The following NKAIN3 variants were observed in gnomAD, a reference collection of about 807,000 sequenced individuals.
NKAIN3 encodes the protein sodium/potassium-transporting ATPase subunit beta-1-interacting protein 3.
NKAIN3 carries 25 observed loss-of-function variants against 30.2 expected under a neutral mutation model. The observed-to-expected ratio is 0.83, with a 90% CI of 0.60 to 1.16. The LOEUF (loss-of-function observed/expected upper bound fraction) is 1.16. NKAIN3 is among the 50% of genes most tolerant of loss of function. NKAIN3 has a pLI of 0.00. For missense variants in NKAIN3, 225 were observed against 254.1 expected (o/e 0.89, Z 0.78); for synonymous variants, 91 against 89.6 (o/e 1.02, Z -0.09).
At chr8:62,301,867 T>G (rs973946052) in intron 1 of NKAIN3, among the ~76,000 whole-genome samples, 1 of 152,012 alleles carries the variant, frequency 6.6e-6, no homozygotes, top group Non-Finnish European at 1.5e-5. Context: ...CTAACCAAAG[T>G]TGAAAAAAGC....
At chr8:62,618,507 CGTGGTG>C (rs1297255538) in intron 3 of NKAIN3, among the ~76,000 whole-genome samples, 1 of 151,614 alleles carries the variant, frequency 6.6e-6, no homozygotes, top group Non-Finnish European at 1.5e-5. Flanking sequence ...TTCGCTCGCT[CGTGGTG>C]GACAATTAGT....
At chr8:62,917,894 TTC>T (rs1822157065) in intron 4 of NKAIN3, among the ~76,000 whole-genome samples, 1 of 152,206 alleles carries the variant, frequency 6.6e-6, no homozygotes. Context: ...AAATCATCTC[TTC>T]TGTTTTATTT....
intron 4 of NKAIN3, among the ~76,000 whole-genome samples, chr8:62,818,370 T>C (rs1818750353): frequency 1.3e-5 from 2 of 152,302 alleles, no homozygotes; most frequent in South Asian, 4.1e-4. Context: ...ATTGCTTTTA[T>C]CATTTTTCAT....
intron 3 of NKAIN3, among the ~76,000 whole-genome samples, chr8:62,686,951 G>A (rs1813817779): frequency 6.6e-6 from 1 of 152,170 alleles, no homozygotes; most frequent in South Asian, 2.1e-4. Flanking sequence ...ATTTAGAATA[G>A]GAAGGTAACA....
At chr8:62,420,786 A>G (rs2129596736) in intron 1 of NKAIN3, among the ~76,000 whole-genome samples, 1 of 152,318 alleles carries the variant, frequency 6.6e-6, no homozygotes, top group East Asian at 1.9e-4. Context: ...TCATTTTCAG[A>G]TAAATTTACA....
chr8:62,770,975 A>T (rs1816989698), intron 4 of NKAIN3, among the ~76,000 whole-genome samples: 1 of 152,166 alleles, frequency 6.6e-6, no homozygotes, highest in Non-Finnish European at 1.5e-5. Flanking sequence ...ACAACAAAAA[A>T]TGAGACATGC....
chr8:62,682,703 C>T (rs979972788), intron 3 of NKAIN3, among the ~76,000 whole-genome samples: 2 of 152,052 alleles, frequency 1.3e-5, no homozygotes, highest in African/African-American at 4.8e-5. Flanking sequence ...ATGCCTGTAA[C>T]TGCCAGCTTT....
chr8:62,477,318 A>C (rs1390736951), intron 1 of NKAIN3, among the ~76,000 whole-genome samples: 2 of 150,716 alleles, frequency 1.3e-5, no homozygotes, highest in Non-Finnish European at 3.0e-5. Context: ...AGACAGTGAC[A>C]ACAGTACATC....
intron 1 of NKAIN3, among the ~76,000 whole-genome samples, chr8:62,542,852 C>T (rs1287718320): frequency 6.6e-6 from 1 of 152,136 alleles, no homozygotes; most frequent in Non-Finnish European, 1.5e-5. Context: ...TTCCCACATG[C>T]ATATATATCT....
intron 1 of NKAIN3, among the ~76,000 whole-genome samples, chr8:62,576,987 A>G (rs1810128949): frequency 6.6e-6 from 1 of 152,164 alleles, no homozygotes; most frequent in Admixed American, 6.6e-5. Context: ...TGGCTAAATA[A>G]CTAAAATGGA....
intron 3 of NKAIN3, among the ~76,000 whole-genome samples, chr8:62,735,446 C>T (rs1815630394): frequency 6.7e-6 from 1 of 150,284 alleles, no homozygotes. Flanking sequence ...TGAGACTCTC[C>T]AGTGCATTTT....
rs1219021066 is a variant in NKAIN3 at position 62,345,356 on chromosome 8, CATATATGT to C, written c.54+96236_54+96243del. Among the ~76,000 whole-genome samples the C allele has an allele frequency of 2.2e-3, 21 of 9,766 alleles. 1 individual carries two copies. Among genetic ancestry groups the C allele is most frequent in the Middle Eastern group, 0.071 (1 of 14 alleles). The allele number at this position is 9,766 out of a possible 152,430, so 6.4% of individuals were successfully genotyped here. On this transcript the variant is annotated intron_variant, in intron 1 of 6. Coordinates refer to ENST00000623646, the MANE Select transcript of NKAIN3 (RefSeq NM_001304533.3). ...ATATGTATATATACACACATATACA[CATATATGT>C]ATATATACACATATATGTATATATA...
intron 1 of NKAIN3, among the ~76,000 whole-genome samples, chr8:62,342,413 G>T (rs1207707385): frequency 6.6e-6 from 1 of 151,996 alleles, no homozygotes; most frequent in Non-Finnish European, 1.5e-5. Flanking sequence ...ACAGGCTTGG[G>T]TATCCTTTTG....
At chr8:62,563,437 C>T (rs139409360) in intron 1 of NKAIN3, among the ~76,000 whole-genome samples, 1 of 152,086 alleles carries the variant, frequency 6.6e-6, no homozygotes, top group East Asian at 1.9e-4. Flanking sequence ...TGAGAGTATT[C>T]ACTCCCTAAA....
chr8:62,990,149 A>G (rs1392308787), intron 5 of NKAIN3: 1 of 1,118,936 alleles, frequency 8.9e-7, no homozygotes, highest in East Asian at 2.6e-5. Context: ...TTAAAAATCA[A>G]CTTATTTTTT....
chr8:62,540,219 C>G (rs1808795790), intron 1 of NKAIN3, among the ~76,000 whole-genome samples: 2 of 152,264 alleles, frequency 1.3e-5, no homozygotes, highest in South Asian at 4.2e-4. Context: ...CCAAATCACT[C>G]AAAAATGTGC....
At chr8:62,761,678 C>T (rs949424417) in intron 4 of NKAIN3, among the ~76,000 whole-genome samples, 3 of 152,146 alleles carry the variant, frequency 2.0e-5, no homozygotes, top group African/African-American at 7.2e-5. Flanking sequence ...ATTGAGGATT[C>T]CATTGCCTGA....
At chr8:62,622,112 T>G (rs1385574378) in intron 3 of NKAIN3, among the ~76,000 whole-genome samples, 1 of 152,056 alleles carries the variant, frequency 6.6e-6, no homozygotes, top group African/African-American at 2.4e-5. Context: ...TCTTCTTACA[T>G]GTATCAGTAG....
intron 3 of NKAIN3, among the ~76,000 whole-genome samples, chr8:62,695,413 G>A (rs548576277): frequency 7.9e-5 from 12 of 152,202 alleles, no homozygotes; most frequent in African/African-American, 2.4e-4. Flanking sequence ...TCGGTTAAAC[G>A]GGTATTGAGA....
Sources: allele counts gnomAD v4.1 joint callset (sites outside exome capture counted in the v4.1 genomes callset), GRCh38; gene constraint gnomAD v4.1.1; transcripts MANE v1.5; gene names NCBI Gene and HGNC (gene_info 2026-07-23, HGNC 2026-07-21).